The following NANOS3 variants were observed in gnomAD, a reference collection of about 807,000 sequenced individuals.
The protein encoded by NANOS3 is nanos C2HC-type zinc finger 3.
Under a neutral mutation model 13.8 loss-of-function variants are expected in NANOS3, and 11 were observed. The ratio of observed to expected loss-of-function variants is 0.80; its 90% confidence interval spans 0.50 to 1.32. The LOEUF (loss-of-function observed/expected upper bound fraction) is 1.32. Ranked by LOEUF, NANOS3 falls within the 40% of genes most tolerant of loss-of-function variation. NANOS3 has a pLI of 0.00. For missense variants in NANOS3, 221 were observed against 263.8 expected (o/e 0.84, Z 1.12); for synonymous variants, 119 against 115.4 (o/e 1.03, Z -0.20).
upstream of NANOS3, chr19:13,874,773 C>G: frequency 1.9e-6 from 1 of 534,372 alleles, no homozygotes; most frequent in Non-Finnish European, 3.9e-6. Flanking sequence ...AACCATCGAC[C>G]GTTGAGTGGA....
chr19:13,863,211 A>G (rs1266884272), upstream of NANOS3, among the ~76,000 whole-genome samples: 5 of 151,642 alleles, frequency 3.3e-5, no homozygotes, highest in South Asian at 8.3e-4. Context: ...TCTTTCCCCA[A>G]TACGCTCTTT....
chr19:13,876,052 T>C (rs1176808700), upstream of NANOS3, among the ~76,000 whole-genome samples: 2 of 152,158 alleles, frequency 1.3e-5, no homozygotes, highest in Non-Finnish European at 2.9e-5. Context: ...CTCACCCCTC[T>C]GCAGCCCCCG....
intron 1 of NANOS3, among the ~76,000 whole-genome samples, chr19:13,878,906 G>A (rs886294777): frequency 6.6e-5 from 10 of 152,052 alleles, no homozygotes; most frequent in Non-Finnish European, 1.2e-4. Flanking sequence ...GAGCCACCAC[G>A]CCTGGCCCCA....
chr19:13,864,611 G>C (rs564113300), upstream of NANOS3, among the ~76,000 whole-genome samples: 15 of 152,162 alleles, frequency 9.9e-5, no homozygotes, highest in African/African-American at 3.4e-4. Flanking sequence ...TGTGTACCTG[G>C]GGTACTGTGT....
upstream of NANOS3, among the ~76,000 whole-genome samples, chr19:13,876,288 G>T (rs147976677): frequency 3.3e-5 from 5 of 149,426 alleles, no homozygotes; most frequent in Non-Finnish European, 7.4e-5. Context: ...ACAGGCACCC[G>T]CCACCATGCC....
At position 13,880,682 on chromosome 19, in the gene NANOS3, T is replaced by C. The variant is rs1968621060; in HGVS notation, c.*179T>C. ...GCCCTGTCCTTGGGGACCCCACCCT[T>C]TGTGCCATCTGCCGTTTCCCTAGTG... On this transcript the variant is annotated 3_prime_UTR_variant, in exon 2 of 2. Transcript: ENST00000339133. 1 of 598,598 alleles carries C rather than the reference T, an allele frequency of 1.7e-6. No individual in the cohort carries two copies. Among genetic ancestry groups the C allele is most frequent in the South Asian group, 2.0e-5 (1 of 49,116 alleles). 37.1% of individuals were successfully genotyped at this position (598,598 alleles called of 1,614,324 possible).
intron 1 of NANOS3, among the ~76,000 whole-genome samples, chr19:13,871,356 C>T (rs1301699882): frequency 6.6e-6 from 1 of 152,116 alleles, no homozygotes; most frequent in African/African-American, 2.4e-5. Flanking sequence ...CCTGGGATGA[C>T]CAAGAGACAG....
intron 1 of NANOS3, 81 bp from the exon 2 acceptor site, chr19:13,880,361 G>A (rs964516695): frequency 6.7e-6 from 9 of 1,350,912 alleles, no homozygotes; most frequent in East Asian, 4.7e-5. Context: ...CAGCAGGCCC[G>A]GAGGCCGAGT....
chr19:13,866,722 A>G (rs1976247089), intron 1 of NANOS3, among the ~76,000 whole-genome samples: 1 of 152,200 alleles, frequency 6.6e-6, no homozygotes, highest in Admixed American at 6.5e-5. Context: ...TCAGGGTAGC[A>G]ATGACAAACG....
At chr19:13,874,645 C>T (rs1444523022), upstream of NANOS3, 2 of 507,122 alleles carry the variant, frequency 3.9e-6, no homozygotes, top group East Asian at 1.1e-4. Flanking sequence ...TCCTCCTCTC[C>T]CTCTTCATGC....
chr19:13,880,582 A>C lies in NANOS3; in HGVS notation c.*79A>C. 1 of 1,207,598 alleles carries C rather than the reference A, an allele frequency of 8.3e-7. No homozygotes were observed. Among genetic ancestry groups the C allele is most frequent in the Non-Finnish European group, 1.2e-6 (1 of 819,444 alleles). The allele number at this position is 1,207,598 out of a possible 1,614,324, so 74.8% of individuals were successfully genotyped here. ...GACCCACCCTATGACGACTGCCCCC[A>C]CTCCCAGACCCTCCCCCCAGCCTGG... On this transcript the variant is annotated 3_prime_UTR_variant, in exon 2 of 2. Coordinates refer to ENST00000339133, the MANE Select transcript of NANOS3 (RefSeq NM_001098622.3).
chr19:13,871,733 C>T (rs545815692), intron 1 of NANOS3, among the ~76,000 whole-genome samples: 10 of 152,320 alleles, frequency 6.6e-5, no homozygotes, highest in African/African-American at 1.9e-4. Flanking sequence ...TCCTGTGGGA[C>T]GAGGTGGCTC....
upstream of NANOS3, among the ~76,000 whole-genome samples, chr19:13,876,338 T>C (rs1968511532): frequency 6.6e-6 from 1 of 151,578 alleles, no homozygotes; most frequent in Admixed American, 6.6e-5. Context: ...GTGTGTATTT[T>C]TAGTAGAGAC....
chr19:13,877,813 AG>A (rs781128407), intron 1 of NANOS3, 48 bp downstream of exon 1: 15 of 1,508,856 alleles, frequency 9.9e-6, no homozygotes, highest in Non-Finnish European at 8.0e-6. Context: ...GTAGTGGCTG[AG>A]CCCCCCTGTG....
At chr19:13,868,474 A>T (rs746321497) in intron 1 of NANOS3, among the ~76,000 whole-genome samples, 2 of 151,864 alleles carry the variant, frequency 1.3e-5, no homozygotes, top group Non-Finnish European at 2.9e-5. Context: ...CTGTAATCTC[A>T]GCACTTTGGG....
chr19:13,875,950 C>T (rs571898859), upstream of NANOS3, among the ~76,000 whole-genome samples: 3 of 152,274 alleles, frequency 2.0e-5, no homozygotes, highest in East Asian at 1.9e-4. Context: ...GATCTCATCT[C>T]GGGGAGGACA....
At chr19:13,878,678 G>C (rs548933936) in intron 1 of NANOS3, among the ~76,000 whole-genome samples, 2 of 148,264 alleles carry the variant, frequency 1.3e-5, no homozygotes, top group South Asian at 4.3e-4. Flanking sequence ...TCAGTGGTGC[G>C]ATCTTGGCTC....
chr19:13,873,884 A>G (rs966851157), upstream of NANOS3, among the ~76,000 whole-genome samples: 1 of 119,780 alleles, frequency 8.3e-6, no homozygotes, highest in Non-Finnish European at 1.7e-5. Context: ...AGGGGTGCGT[A>G]CCTGTAGGCC....
Position 13,877,189 on chromosome 19 carries a change from T to C in NANOS3, c.-60T>C. 1 of 1,457,012 alleles carries C rather than the reference T, an allele frequency of 6.9e-7. No individual in the cohort carries two copies. Among genetic ancestry groups the C allele is most frequent in the Non-Finnish European group, 9.4e-7 (1 of 1,062,530 alleles). 90.3% of individuals were successfully genotyped at this position (1,457,012 alleles called of 1,614,324 possible). On this transcript the variant is annotated 5_prime_UTR_variant, in exon 1 of 2. Coordinates refer to ENST00000339133, the MANE Select transcript of NANOS3 (RefSeq NM_001098622.3). The stretch of plus-strand genomic sequence containing the variant: ...AGAGAGGGGTCAGAAGGAGGGAGCT[T>C]AAGCCAGGCAGGGTTACTTGTCTCT...
Sources: allele counts gnomAD v4.1 joint callset (sites outside exome capture counted in the v4.1 genomes callset), GRCh38; gene constraint gnomAD v4.1.1; transcripts MANE v1.5; gene names NCBI Gene and HGNC (gene_info 2026-07-23, HGNC 2026-07-21).